ZNFX1: variants seen among roughly 807,000 people sequenced by gnomAD.
ZNFX1 encodes the protein zinc finger NFX1-type containing 1, also known as NFX1-type zinc finger-containing protein 1.
In ZNFX1, 78 loss-of-function variants were observed where a neutral mutation model predicts 179.8. The observed-to-expected ratio is 0.43, with a 90% CI of 0.36 to 0.52. ZNFX1 has a LOEUF of 0.52. Among genes scored for constraint, ZNFX1 ranks in the 20% least tolerant of loss-of-function variants. The pLI, the probability that ZNFX1 is intolerant of heterozygous loss-of-function variation, is 0.00. For missense variants in ZNFX1, 1,927 were observed against 2,386.6 expected (o/e 0.81, Z 4.01); for synonymous variants, 848 against 868.5 (o/e 0.98, Z 0.42).
At chr20:49,256,485 G>GT (rs1205614725) in intron 8 of ZNFX1, among the ~76,000 whole-genome samples, 6 of 152,148 alleles carry the variant, frequency 3.9e-5, no homozygotes, top group Non-Finnish European at 8.8e-5. Flanking sequence ...TACTGCCATC[G>GT]TATCAACACA....
At chr20:49,277,958 G>T (rs1981632945) in intron 1 of ZNFX1, 63 bp downstream of exon 1, 1 of 154,848 alleles carries the variant, frequency 6.5e-6, no homozygotes, top group African/African-American at 2.4e-5. Context: ...GTCGGCGCGG[G>T]CGCCGGGGTT....
At chr20:49,251,130 C>T (rs1177695289) in intron 13 of ZNFX1, among the ~76,000 whole-genome samples, 1 of 152,130 alleles carries the variant, frequency 6.6e-6, no homozygotes, top group Admixed American at 6.5e-5. Context: ...GCTCTACTCC[C>T]TTCTGAAGGC....
At chr20:49,252,030 G>A (rs1436842721) in intron 12 of ZNFX1, among the ~76,000 whole-genome samples, 2 of 151,726 alleles carry the variant, frequency 1.3e-5, no homozygotes, top group South Asian at 2.1e-4. Context: ...ACAGTGTTTC[G>A]CCATGTTGGC....
intron 1 of ZNFX1, 62 bp from the exon 2 acceptor site, chr20:49,275,949 C>T (rs769174859): frequency 3.9e-6 from 4 of 1,032,568 alleles, no homozygotes; most frequent in Non-Finnish European, 6.0e-6. Context: ...AACCCAAACA[C>T]CATCAAGCCA....
chr20:49,271,157 C>T lies in ZNFX1; in HGVS notation c.655G>A (p.Val219Ile). 1 of 1,614,090 alleles carries T rather than the reference C, an allele frequency of 6.2e-7. No individual in the cohort carries two copies. The highest frequency in any genetic ancestry group is 8.5e-7 in the Non-Finnish European group (1 of 1,180,008). The change falls in exon 3 of 14, where the codon GTC (valine) becomes ATC (isoleucine). Residue 219 changes from valine to isoleucine, a missense_variant. By Grantham distance (29) the Val-to-Ile change is conservative. Transcript: ENST00000396105. ...GILKNSKFLKVCLPAYVVGMI... is the reference protein window; with the variant it reads ...GILKNSKFLKICLPAYVVGMI... ...CCTACCACATAAGCAGGCAGGCAGACTTTGAGAAATTTGGAGTTTTTCAAT... is the reference window on the plus strand; with the variant it reads ...CCTACCACATAAGCAGGCAGGCAGATTTTGAGAAATTTGGAGTTTTTCAAT...
chr20:49,265,313 A>G (rs956107716), intron 4 of ZNFX1, among the ~76,000 whole-genome samples: 10 of 152,252 alleles, frequency 6.6e-5, no homozygotes, highest in Admixed American at 2.0e-4. Context: ...CTGATTGCTC[A>G]TATGTTTTAG....
chr20:49,264,942 G>T, intron 4 of ZNFX1, 78 bp from the exon 5 acceptor site: 1 of 1,597,558 alleles, frequency 6.3e-7, no homozygotes, highest in Non-Finnish European at 8.6e-7. Context: ...GTGTGTATTT[G>T]GGATCTAGTC....
chr20:49,273,057 AC>A (rs1280711092), intron 2 of ZNFX1, among the ~76,000 whole-genome samples: 4 of 152,186 alleles, frequency 2.6e-5, no homozygotes, highest in African/African-American at 9.7e-5. Flanking sequence ...AGATGATTAT[AC>A]CATTTCCTGA....
chr20:49,253,117 T>C (rs892336198), intron 11 of ZNFX1, among the ~76,000 whole-genome samples: 7 of 152,126 alleles, frequency 4.6e-5, no homozygotes, highest in African/African-American at 1.7e-4. Context: ...CTTCAGTCAT[T>C]TGAAAAGCAA....
intron 5 of ZNFX1, among the ~76,000 whole-genome samples, chr20:49,264,213 C>G (rs893391373): frequency 2.0e-5 from 3 of 152,092 alleles, no homozygotes; most frequent in African/African-American, 7.2e-5. Context: ...CTGAGCAAGA[C>G]CCTGTCTCAA....
chr20:49,264,629 T>C (rs1214847089), intron 5 of ZNFX1, 87 bp downstream of exon 5: 1 of 1,524,942 alleles, frequency 6.6e-7, no homozygotes, highest in Non-Finnish European at 8.9e-7. Flanking sequence ...CCTCCAAATC[T>C]ACCCTGGGCT....
chr20:49,251,707 T>C, intron 12 of ZNFX1, 85 bp from the exon 13 acceptor site: 1 of 1,166,652 alleles, frequency 8.6e-7, no homozygotes. Context: ...TGTTAGAAAA[T>C]TTAGGGAGGG....
intron 5 of ZNFX1, 96 bp from the exon 6 acceptor site, chr20:49,263,579 G>A (rs1191250318): frequency 7.2e-7 from 1 of 1,397,216 alleles, no homozygotes; most frequent in Non-Finnish European, 9.8e-7. Flanking sequence ...GACAGGAACA[G>A]TAAGGAGGGA....
chr20:49,248,589 A>G lies in ZNFX1; in HGVS notation c.4435T>C (p.Cys1479Arg). Residue 1479 changes from cysteine to arginine, a missense_variant, in exon 14 of 14, where the codon TGC (cysteine) becomes CGC (arginine). Cys to Arg is a radical substitution (Grantham distance 180). Transcript: ENST00000396105. This position sits in a 1 kb window ranked among gnomAD's most constrained non-coding sequence, Gnocchi z 4.6. ...TGGCAGGGTGGGCACTCACCAATGC[A>G]TGGTTCCTGGCACTTGTGTGAGCAG... Reference protein sequence around the residue: ...LICSHKCQEPCIGECPPCQRT... With the variant: ...LICSHKCQEPRIGECPPCQRT... 6.2e-7 allele frequency: 1 copy of G among 1,614,198 alleles called. No individual in the cohort carries two copies. The highest frequency in any genetic ancestry group is 8.5e-7 in the Non-Finnish European group (1 of 1,180,042).
chr20:49,252,292 C>T (rs967568004), intron 12 of ZNFX1, among the ~76,000 whole-genome samples: 1 of 151,848 alleles, frequency 6.6e-6, no homozygotes, highest in Non-Finnish European at 1.5e-5. Context: ...CAGGTGCCCA[C>T]CACCATGCCC....
intron 11 of ZNFX1, 38 bp downstream of exon 11, chr20:49,253,628 G>T: frequency 4.3e-6 from 7 of 1,612,446 alleles, no homozygotes; most frequent in Non-Finnish European, 5.9e-6. Flanking sequence ...CACCCCCACG[G>T]AGAGCCAGCC....
In ZNFX1 at chr20:49,264,722, G is replaced by A; in HGVS notation, c.2145C>T (p.Tyr715=). ...RNLPMHLRRA[Y]MSIMTQMKES... is the part of the protein sequence containing the mutation. ...TTTCAGAGCTGGGACTTACACTCAT[G>A]TAGGCCCTTCGGAGGTGCATGGGGA... The change falls in exon 5 of 14, where the codon TAC becomes TAT. Residue 715 remains tyrosine, a synonymous_variant. Transcript: ENST00000396105. 2 of 1,613,904 alleles carry A rather than the reference G, an allele frequency of 1.2e-6. No individual in the cohort carries two copies. The highest frequency in any genetic ancestry group is 2.2e-5 in the East Asian group (1 of 44,884).
At position 49,257,537 on chromosome 20, in the gene ZNFX1, C is replaced by T. The variant is rs1980998365; in HGVS notation, c.2544G>A (p.Arg848=). 3.7e-6 allele frequency: 6 copies of T among 1,613,910 alleles called. No homozygotes were observed. Among genetic ancestry groups the T allele is most frequent in the Non-Finnish European group, 5.1e-6 (6 of 1,180,008 alleles). The change falls in exon 8 of 14, where the codon CGG becomes CGA. Residue 848 remains arginine (R), a synonymous_variant. Coordinates refer to ENST00000396105, the MANE Select transcript of ZNFX1 (RefSeq NM_021035.3). ...CTGCTCCACTCTCTTCCTTCTTCCG[C>T]CGCTGGGGCCTCACCACCTCTTCCT... ...IEEEEVVRPQ[R]RKKEESGADQ...
Position 49,249,369 on chromosome 20 carries a change from C to G in ZNFX1, c.3655G>C (p.Val1219Leu). 1 of 1,614,248 alleles carries G rather than the reference C, an allele frequency of 6.2e-7. No homozygotes were observed. Among genetic ancestry groups the G allele is most frequent in the Non-Finnish European group, 8.5e-7 (1 of 1,180,048 alleles). ...GFLQISNRIC[V>L]ALSRAKKGMY... ...CCCTTCTTGGCTCGGGACAAGGCCA[C>G]ACAGATGCGGTTGGATATCTGCAGA... Residue 1219 changes from valine (V) to leucine (L), a missense_variant, in exon 14 of 14, where the codon GTG becomes CTG. Transcript: ENST00000396105.
Sources: allele counts gnomAD v4.1 joint callset (sites outside exome capture counted in the v4.1 genomes callset), GRCh38; gene constraint gnomAD v4.1.1; non-coding constraint Gnocchi (gnomAD v3.1); transcripts MANE v1.5; gene names NCBI Gene and HGNC (gene_info 2026-07-23, HGNC 2026-07-21).